Variants in CCDC71L observed in about 807,000 individuals in gnomAD.
The protein encoded by CCDC71L is coiled-coil domain containing 71 like, also known as coiled-coil domain-containing protein 71L.
CCDC71L carries 6 observed loss-of-function variants against 10.2 expected under a neutral mutation model. The ratio of observed to expected loss-of-function variants is 0.59; its 90% CI spans 0.32 to 1.16. The LOEUF (loss-of-function observed/expected upper bound fraction) is 1.16, where lower values mean the gene tolerates loss of function less well. CCDC71L is among the 50% of genes most tolerant of loss of function. The pLI, the probability that CCDC71L is intolerant of heterozygous loss-of-function variation, is 0.05. For missense variants in CCDC71L, 366 were observed against 383.4 expected, an observed-to-expected ratio of 0.95 and a Z score of 0.38; for synonymous variants, 204 against 175.5, an observed-to-expected ratio of 1.16 and a Z score of -1.28.
rs778707476 is a variant in CCDC71L at position 106,660,558 on chromosome 7, C to G, written c.339G>C (p.Gly113=). 2 of 1,524,014 alleles carry G rather than the reference C, an allele frequency of 1.3e-6. No individual in the cohort carries two copies. Among genetic ancestry groups the G allele is most frequent in the Middle Eastern group, 2.3e-4 (1 of 4,364 alleles). The allele number at this position is 1,524,014 out of a possible 1,614,324, so 94.4% of individuals were successfully genotyped here. ...SCRALVPDPP[G]PPTARGQARR... ...GCGCCTGGCCGCGGGCTGTAGGGGGCCCCGGGGGGTCGGGTACCAGGGCCC... is the reference window on the plus strand; with the variant it reads ...GCGCCTGGCCGCGGGCTGTAGGGGGGCCCGGGGGGTCGGGTACCAGGGCCC... The change falls in exon 1 of 1, where the codon GGG becomes GGC. Residue 113 remains glycine, a synonymous_variant. Transcript: ENST00000523505. The surrounding 1 kb of genome is among the most constrained non-coding windows in gnomAD (Gnocchi z 7.5).
rs1792460263 is a variant in CCDC71L, at chr7:106,654,492, G to A, written c.*5697C>T. Among the ~76,000 whole-genome samples the A allele has an allele frequency of 6.6e-6, 1 of 151,500 alleles. No homozygotes were observed. The highest frequency in any genetic ancestry group is 1.5e-5 in the Non-Finnish European group (1 of 67,888). On this transcript the variant is annotated 3_prime_UTR_variant, in exon 1 of 1. Transcript: ENST00000523505. ...ATTCTATACACCAATGAGAATAAATGATCTACAATAATAGTACACACAACA... is the reference window on the plus strand; with the variant it reads ...ATTCTATACACCAATGAGAATAAATAATCTACAATAATAGTACACACAACA...
chr7:106,655,935 T>G lies in CCDC71L; in HGVS notation c.*4254A>C, dbSNP rs567218230. 6.6e-6 allele frequency among the ~76,000 whole-genome samples: 1 copy of G among 152,302 alleles called. No homozygotes were observed. Among genetic ancestry groups the G allele is most frequent in the South Asian group, 2.1e-4 (1 of 4,830 alleles). The stretch of plus-strand genomic sequence containing the variant: ...GAGCTAAACTCACAACGGACCACTC[T>G]CAGCTTATATACCTATTCTCACTGT... On this transcript the variant is annotated 3_prime_UTR_variant, in exon 1 of 1. Coordinates refer to ENST00000523505, the MANE Select transcript of CCDC71L (RefSeq NM_175884.6).
rs1463391084 is a variant in CCDC71L at position 106,658,431 on chromosome 7, A to T, written c.*1758T>A. Reference sequence around the variant, plus strand: ...TTGAAGTCACAACACTCCTATACGGACTACTAAACTTGAAATACTCATTTC... The same window carrying T: ...TTGAAGTCACAACACTCCTATACGGTCTACTAAACTTGAAATACTCATTTC... On this transcript the variant is annotated 3_prime_UTR_variant, in exon 1 of 1. Transcript: ENST00000523505. 1 of 152,182 alleles carries T rather than the reference A, an allele frequency of 6.6e-6. No homozygotes were observed. The allele number at this position is 152,182 out of a possible 1,614,324, so 9.4% of individuals were successfully genotyped here.
rs1166458539 is a variant in CCDC71L, at chr7:106,659,157, T to C, written c.*1032A>G. 4 of 152,154 alleles carry C rather than the reference T, an allele frequency of 2.6e-5. No individual in the cohort carries two copies. The highest frequency in any genetic ancestry group is 5.9e-5 in the Non-Finnish European group (4 of 68,022). 9.4% of individuals were successfully genotyped at this position (152,154 alleles called of 1,614,324 possible). A position where few individuals can be genotyped will look rare whatever the true frequency, so the allele number is the denominator to read the frequency against. ...TGTTTACACACATCCATCTCTCCTATGCAACTCCCATTTTAAAATACATTA... is the reference window on the plus strand; with the variant it reads ...TGTTTACACACATCCATCTCTCCTACGCAACTCCCATTTTAAAATACATTA... On this transcript the variant is annotated 3_prime_UTR_variant, in exon 1 of 1. Coordinates refer to ENST00000523505, the MANE Select transcript of CCDC71L (RefSeq NM_175884.6).
Position 106,661,135 on chromosome 7 carries a change from G to C in CCDC71L, c.-239C>G. On this transcript the variant is annotated 5_prime_UTR_variant, in exon 1 of 1. Transcript: ENST00000523505. The stretch of plus-strand genomic sequence containing the variant: ...TCATTGGACGGCGCCTCGCCCCCCT[G>C]GTTTCTCTTTCTTCTCCTCTCTTGC... 1 of 460,506 alleles carries C rather than the reference G, an allele frequency of 2.2e-6. No individual in the cohort carries two copies. Among genetic ancestry groups the C allele is most frequent in the Non-Finnish European group, 3.6e-6 (1 of 275,150 alleles). 28.5% of individuals were successfully genotyped at this position (460,506 alleles called of 1,614,324 possible). A position where few individuals can be genotyped will look rare whatever the true frequency, so the allele number is the denominator to read the frequency against.
rs1792502066 is a variant in CCDC71L at position 106,656,979 on chromosome 7, A to G, written c.*3210T>C. 6.6e-6 allele frequency: 1 copy of G among 152,236 alleles called. No individual in the cohort carries two copies. Among genetic ancestry groups the G allele is most frequent in the Non-Finnish European group, 1.5e-5 (1 of 68,034 alleles). The allele number at this position is 152,236 out of a possible 1,614,324, so 9.4% of individuals were successfully genotyped here. On this transcript the variant is annotated 3_prime_UTR_variant, in exon 1 of 1. Coordinates refer to ENST00000523505, the MANE Select transcript of CCDC71L (RefSeq NM_175884.6). The stretch of plus-strand genomic sequence containing the variant: ...TAGGCATGTATGTCCATTAAAAACC[A>G]TTAAAGAGTCCTGTGGCAATCCTTA...
Position 106,660,134 on chromosome 7 carries a change from G to A in CCDC71L, c.*55C>T. ...GACTGACACTTGTTCATTCCTCCGG[G>A]CGGAAGGCCTGTCCCAAGGTCGGGG... is the stretch of plus-strand genomic sequence containing the variant. On this transcript the variant is annotated 3_prime_UTR_variant, in exon 1 of 1. Transcript: ENST00000523505. The surrounding 1 kb of genome is among the most constrained non-coding windows in gnomAD (Gnocchi z 7.5). The A allele has an allele frequency of 6.9e-7, 1 of 1,448,522 alleles. No homozygotes were observed. The highest frequency in any genetic ancestry group is 9.0e-7 in the Non-Finnish European group (1 of 1,110,052). 89.7% of individuals were successfully genotyped at this position (1,448,522 alleles called of 1,614,324 possible). A position where few individuals can be genotyped will look rare whatever the true frequency, so the allele number is the denominator to read the frequency against.
Position 106,660,924 on chromosome 7 carries a change from C to T in CCDC71L, c.-28G>A, listed in dbSNP as rs551795894. On this transcript the variant is annotated 5_prime_UTR_variant, in exon 1 of 1. Coordinates refer to ENST00000523505, the MANE Select transcript of CCDC71L (RefSeq NM_175884.6). The surrounding 1 kb of genome is among the most constrained non-coding windows in gnomAD (Gnocchi z 7.5). ...AAGGCCGCTCCGGGCCACTCACGCT[C>T]GCCGGGTCCCACTACTGCCGCCGCC... 1.4e-4 allele frequency: 186 copies of T among 1,337,264 alleles called. No homozygotes were observed. In the African/African-American group the frequency reaches 2.7e-3, roughly 20 times the overall value. 82.8% of individuals were successfully genotyped at this position (1,337,264 alleles called of 1,614,324 possible).
chr7:106,660,047 G>A lies in CCDC71L; in HGVS notation c.*142C>T, dbSNP rs1792560614. The A allele has an allele frequency of 1.7e-6, 2 of 1,172,812 alleles. No homozygotes were observed. The highest frequency in any genetic ancestry group is 2.2e-6 in the Non-Finnish European group (2 of 891,858). 72.7% of individuals were successfully genotyped at this position (1,172,812 alleles called of 1,614,324 possible). On this transcript the variant is annotated 3_prime_UTR_variant, in exon 1 of 1. Transcript: ENST00000523505. This position sits in a 1 kb window ranked among gnomAD's most constrained non-coding sequence, Gnocchi z 7.5. ...GGCCCGGGACAGGGACAACCATCCG[G>A]CAACTTCTTCGCGCGTAAAGTGCAT... is the stretch of plus-strand genomic sequence containing the variant.
rs1207164631 is a variant in CCDC71L at position 106,657,693 on chromosome 7, TAAAG to T, written c.*2492_*2495del. ...ATAGGTTTTTACCAAAGGGCAAAAATAAAGATTTTTTACATCTTATTTCACAGAC... is the reference window on the plus strand; with the variant it reads ...ATAGGTTTTTACCAAAGGGCAAAAATATTTTTTACATCTTATTTCACAGAC... On this transcript the variant is annotated 3_prime_UTR_variant, in exon 1 of 1. Coordinates refer to ENST00000523505, the MANE Select transcript of CCDC71L (RefSeq NM_175884.6). The T allele has an allele frequency of 1.4e-4, 22 of 152,228 alleles. No homozygotes were observed. Among genetic ancestry groups the T allele is most frequent in the Admixed American group, 1.4e-3 (22 of 15,290 alleles). The allele number at this position is 152,228 out of a possible 1,614,324, so 9.4% of individuals were successfully genotyped here.
chr7:106,654,940 A>G lies in CCDC71L; in HGVS notation c.*5249T>C, dbSNP rs997629930. Among the ~76,000 whole-genome samples, 1 of 152,144 alleles carries G rather than the reference A, an allele frequency of 6.6e-6. No homozygotes were observed. Among genetic ancestry groups the G allele is most frequent in the Non-Finnish European group, 1.5e-5 (1 of 68,006 alleles). On this transcript the variant is annotated 3_prime_UTR_variant, in exon 1 of 1. Coordinates refer to ENST00000523505, the MANE Select transcript of CCDC71L (RefSeq NM_175884.6). The stretch of plus-strand genomic sequence containing the variant: ...GAAATATGTACACATTTTACAGTTA[A>G]TTGTACTACTTGGAAGAATCTCAAT...
chr7:106,660,918 C>A lies in CCDC71L; in HGVS notation c.-22G>T. 1 of 1,349,986 alleles carries A rather than the reference C, an allele frequency of 7.4e-7. No individual in the cohort carries two copies. The highest frequency in any genetic ancestry group is 1.8e-5 in the South Asian group (1 of 54,872). The allele number at this position is 1,349,986 out of a possible 1,614,324, so 83.6% of individuals were successfully genotyped here. A position where few individuals can be genotyped will look rare whatever the true frequency, so the allele number is the denominator to read the frequency against. ...GCATCGAAGGCCGCTCCGGGCCACT[C>A]ACGCTCGCCGGGTCCCACTACTGCC... On this transcript the variant is annotated 5_prime_UTR_variant, in exon 1 of 1. Transcript: ENST00000523505. The surrounding 1 kb of genome is among the most constrained non-coding windows in gnomAD (Gnocchi z 7.5).
Position 106,660,830 on chromosome 7 carries a change from C to T in CCDC71L, c.67G>A (p.Gly23Ser). The part of the protein sequence containing the change: ...PVAPATAARG[G>S]DFRAEDGAGL... Reference sequence around the variant, plus strand: ...GCCCCGTCTTCTGCCCTAAAGTCGCCGCCCCGGGCGGCCGTGGCCGGGGCG... The same window carrying T: ...GCCCCGTCTTCTGCCCTAAAGTCGCTGCCCCGGGCGGCCGTGGCCGGGGCG... The change falls in exon 1 of 1, where the codon GGC becomes AGC. Residue 23 changes from glycine (G) to serine (S), a missense_variant. By Grantham distance (56) the Gly-to-Ser change is moderately conservative. Transcript: ENST00000523505. The surrounding 1 kb of genome is among the most constrained non-coding windows in gnomAD (Gnocchi z 7.5). 3 of 1,528,188 alleles carry T rather than the reference C, an allele frequency of 2.0e-6. No individual in the cohort carries two copies. Among genetic ancestry groups the T allele is most frequent in the Non-Finnish European group, 2.6e-6 (3 of 1,138,308 alleles). The allele number at this position is 1,528,188 out of a possible 1,614,324, so 94.7% of individuals were successfully genotyped here. A position where few individuals can be genotyped will look rare whatever the true frequency, so the allele number is the denominator to read the frequency against.
At position 106,660,910 on chromosome 7, in the gene CCDC71L, G is replaced by T. The variant is rs1015060613; in HGVS notation, c.-14C>A. ...ACTGCGCCGCATCGAAGGCCGCTCCGGGCCACTCACGCTCGCCGGGTCCCA... is the reference window on the plus strand; with the variant it reads ...ACTGCGCCGCATCGAAGGCCGCTCCTGGCCACTCACGCTCGCCGGGTCCCA... On this transcript the variant is annotated 5_prime_UTR_variant, in exon 1 of 1. Coordinates refer to ENST00000523505, the MANE Select transcript of CCDC71L (RefSeq NM_175884.6). This position sits in a 1 kb window ranked among gnomAD's most constrained non-coding sequence, Gnocchi z 7.5. 14 of 1,358,028 alleles carry T rather than the reference G, an allele frequency of 1.0e-5. No homozygotes were observed. Among genetic ancestry groups the T allele is most frequent in the Non-Finnish European group, 1.3e-5 (14 of 1,059,080 alleles). The allele number at this position is 1,358,028 out of a possible 1,614,324, so 84.1% of individuals were successfully genotyped here. A position where few individuals can be genotyped will look rare whatever the true frequency, so the allele number is the denominator to read the frequency against.
Position 106,660,279 on chromosome 7 carries a change from C to T in CCDC71L, c.618G>A (p.Leu206=), listed in dbSNP as rs114110666. 1,132 of 1,567,598 alleles carry T rather than the reference C, an allele frequency of 7.2e-4. 8 individuals are homozygous for T. The African/African-American group carries it at 0.013, about 19-fold the overall frequency. ...VGSDVWGERS[L]AAARRRARQV... ...GGCGCGCCCTGCGCCGCGCTGCCGC[C>T]AGGCTGCGCTCGCCCCACACGTCGC... is the stretch of plus-strand genomic sequence containing the variant. The change falls in exon 1 of 1, where the codon CTG becomes CTA. Residue 206 remains leucine (L), a synonymous_variant. Transcript: ENST00000523505. This position sits in a 1 kb window ranked among gnomAD's most constrained non-coding sequence, Gnocchi z 7.5.
In CCDC71L at chr7:106,656,984, AG is replaced by A. The variant is rs1792502189; in HGVS notation, c.*3204del. 6.6e-6 allele frequency: 1 copy of A among 152,234 alleles called. No homozygotes were observed. The highest frequency in any genetic ancestry group is 2.4e-5 in the African/African-American group (1 of 41,468). The allele number at this position is 152,234 out of a possible 1,614,324, so 9.4% of individuals were successfully genotyped here. ...ATGTATGTCCATTAAAAACCATTAA[AG>A]AGTCCTGTGGCAATCCTTAAAACAA... On this transcript the variant is annotated 3_prime_UTR_variant, in exon 1 of 1. Transcript: ENST00000523505.
chr7:106,658,886 A>C lies in CCDC71L; in HGVS notation c.*1303T>G, dbSNP rs765791438. 6.6e-6 allele frequency: 1 copy of C among 152,560 alleles called. No homozygotes were observed. 9.5% of individuals were successfully genotyped at this position (152,560 alleles called of 1,614,324 possible). A position where few individuals can be genotyped will look rare whatever the true frequency, so the allele number is the denominator to read the frequency against. ...CTGCAAACATATAATGAGTGGCAAA[A>C]AGGTTAAAAAAAATGTTGGGACAAA... On this transcript the variant is annotated 3_prime_UTR_variant, in exon 1 of 1. Transcript: ENST00000523505.
rs769080351 is a variant in CCDC71L at position 106,660,340 on chromosome 7, G to A, written c.557C>T (p.Pro186Leu). 2.0e-6 allele frequency: 3 copies of A among 1,479,722 alleles called. No individual in the cohort carries two copies. The highest frequency in any genetic ancestry group is 2.3e-5 in the Admixed American group (1 of 43,554). 91.7% of individuals were successfully genotyped at this position (1,479,722 alleles called of 1,614,324 possible). A position where few individuals can be genotyped will look rare whatever the true frequency, so the allele number is the denominator to read the frequency against. Residue 186 changes from proline (P) to leucine (L), a missense_variant, in exon 1 of 1, where the codon CCG (proline) becomes CTG (leucine). Physicochemically the swap from Pro to Leu is moderately conservative, Grantham distance 98 (BLOSUM62 -3). Transcript: ENST00000523505. This position sits in a 1 kb window ranked among gnomAD's most constrained non-coding sequence, Gnocchi z 7.5. ...GATGGTGGGGAAGGTGGTCAGCGTC[G>A]GGGTGGCCGCCCTCCAGATCTCCTC... Reference protein sequence around the residue: ...TLEEIWRAATPTLTTFPTIRV... With the variant: ...TLEEIWRAATLTLTTFPTIRV...
rs925042368 is a variant in CCDC71L at position 106,655,743 on chromosome 7, G to A, written c.*4446C>T. ...TAAAAAAACTCCAACAACAAAAATTGTAATAAATCAACTTAATCCAATCTC... is the reference window on the plus strand; with the variant it reads ...TAAAAAAACTCCAACAACAAAAATTATAATAAATCAACTTAATCCAATCTC... On this transcript the variant is annotated 3_prime_UTR_variant, in exon 1 of 1. Transcript: ENST00000523505. Among the ~76,000 whole-genome samples the A allele has an allele frequency of 2.0e-5, 3 of 152,070 alleles. No homozygotes were observed. The highest frequency in any genetic ancestry group is 7.2e-5 in the African/African-American group (3 of 41,410).
Sources: allele counts gnomAD v4.1 joint callset (sites outside exome capture counted in the v4.1 genomes callset), GRCh38; gene constraint gnomAD v4.1.1; non-coding constraint Gnocchi (gnomAD v3.1); transcripts MANE v1.5; gene names NCBI Gene and HGNC (gene_info 2026-07-23, HGNC 2026-07-21).